Variants in MAPT observed in about 807,000 individuals in gnomAD.
MAPT encodes microtubule associated protein tau.
A neutral mutation model predicts 67.9 loss-of-function variants in MAPT; 34 were observed. The ratio of observed to expected loss-of-function variants is 0.50; its 90% CI spans 0.38 to 0.67. The LOEUF (loss-of-function observed/expected upper bound fraction) is 0.67. Ranked by LOEUF, MAPT falls within the 30% of genes least tolerant of loss-of-function variation. The pLI, the probability that MAPT is intolerant of heterozygous loss-of-function variation, is 0.00. For synonymous variants in MAPT, 456 were observed against 464.5 expected, an observed-to-expected ratio of 0.98 and a Z score of 0.23; for missense variants, 881 against 1,115.2, an observed-to-expected ratio of 0.79 and a Z score of 2.99.
intron 11 of MAPT, among the ~76,000 whole-genome samples, chr17:46,016,030 G>T (rs548880895): frequency 1.3e-5 from 2 of 152,216 alleles, no homozygotes; most frequent in Admixed American, 1.3e-4. Context: ...CTTCACCATC[G>T]GCAGCAGCTA....
At chr17:45,929,649 T>C (rs1362646616) in intron 1 of MAPT, among the ~76,000 whole-genome samples, 1 of 152,234 alleles carries the variant, frequency 6.6e-6, no homozygotes, top group Non-Finnish European at 1.5e-5. Flanking sequence ...CAGTAAATGC[T>C]GGCCCCACCA....
chr17:46,003,333 C>CA (rs2075166846), intron 9 of MAPT, among the ~76,000 whole-genome samples: 1 of 152,028 alleles, frequency 6.6e-6, no homozygotes, highest in African/African-American at 2.4e-5. Context: ...GGCTGGAGTG[C>CA]AGTGGTGCAA....
intron 1 of MAPT, among the ~76,000 whole-genome samples, chr17:45,926,166 G>A (rs536651886): frequency 6.6e-5 from 10 of 151,822 alleles, no homozygotes; most frequent in South Asian, 2.1e-4. Context: ...AGCCAAGATC[G>A]TGCCACTGCA....
chr17:46,017,440 A>AT lies in MAPT; in HGVS notation c.2174-1148dup, dbSNP rs76980614. Among the ~76,000 whole-genome samples, 161 of 62,992 alleles carry AT rather than the reference A, an allele frequency of 2.6e-3. 9 individuals are homozygous for AT. The highest frequency in any genetic ancestry group is 0.011 in the African/African-American group (140 of 12,640). 41.3% of individuals were successfully genotyped at this position (62,992 alleles called of 152,430 possible). A position where few individuals can be genotyped will look rare whatever the true frequency, so the allele number is the denominator to read the frequency against. ...AGGCACATGCCAACATGCCTGGCTA[A>AT]TTTTTTTTTTTTTTTTTTTTTTTTT... is the stretch of plus-strand genomic sequence containing the variant. On this transcript the variant is annotated intron_variant, in intron 11 of 12. Transcript: ENST00000262410.
intron 1 of MAPT, among the ~76,000 whole-genome samples, chr17:45,916,116 C>T (rs879907751): frequency 3.3e-5 from 5 of 152,308 alleles, no homozygotes; most frequent in South Asian, 2.1e-4. Flanking sequence ...CCCACATTCC[C>T]GGAGGGACTG....
intron 3 of MAPT, chr17:45,972,763 T>C (rs2071852149): frequency 6.5e-6 from 1 of 154,066 alleles, no homozygotes; most frequent in South Asian, 2.0e-4. Context: ...CAGGAACAAG[T>C]TGCAAAGTAA....
At chr17:46,014,882 C>CA (rs1254513618) in intron 11 of MAPT, among the ~76,000 whole-genome samples, 4,174 of 127,430 alleles carry the variant, frequency 0.033, 206 homozygotes, top group African/African-American at 0.11. Context: ...GACTCCGTCT[C>CA]AAAAAAAAAA....
chr17:45,962,716 A>G (rs2070584286), intron 2 of MAPT, among the ~76,000 whole-genome samples: 1 of 152,206 alleles, frequency 6.6e-6, no homozygotes, highest in Non-Finnish European at 1.5e-5. Context: ...CCTTGAGGCC[A>G]GGAATTTGAG....
chr17:45,988,715 CAA>C (rs552371183), intron 6 of MAPT, among the ~76,000 whole-genome samples: 37 of 151,938 alleles, frequency 2.4e-4, no homozygotes, highest in Non-Finnish European at 4.3e-4. Context: ...GTCCCCAGCC[CAA>C]GAGTTCTAGA....
chr17:45,958,008 C>T (rs1396346967), intron 1 of MAPT, among the ~76,000 whole-genome samples: 2 of 152,116 alleles, frequency 1.3e-5, no homozygotes, highest in African/African-American at 4.8e-5. Flanking sequence ...GACAGATAAG[C>T]AGGACAGAGT....
intron 1 of MAPT, among the ~76,000 whole-genome samples, chr17:45,927,076 T>G (rs12947764): frequency 0.19 from 29,266 of 151,716 alleles, 3,877 homozygotes; most frequent in Non-Finnish European, 0.27. Flanking sequence ...GTTGCCAAGT[T>G]AAAGATTGGT....
intron 1 of MAPT, among the ~76,000 whole-genome samples, chr17:45,948,963 C>T (rs2068778467): frequency 6.6e-6 from 1 of 152,218 alleles, no homozygotes; most frequent in Non-Finnish European, 1.5e-5. Context: ...CTTCAGTTAC[C>T]TGCAAGAGAT....
intron 6 of MAPT, among the ~76,000 whole-genome samples, chr17:45,988,905 A>G (rs1343578365): frequency 6.6e-6 from 1 of 151,972 alleles, no homozygotes; most frequent in Non-Finnish European, 1.5e-5. Flanking sequence ...AAACAAACAA[A>G]CAAACAAAAG....
At chr17:45,928,120 C>T (rs963661507) in intron 1 of MAPT, among the ~76,000 whole-genome samples, 4 of 151,852 alleles carry the variant, frequency 2.6e-5, no homozygotes, top group Non-Finnish European at 5.9e-5. Context: ...TCTACTCTAA[C>T]CAGTTGTCTC....
rs1491446284 is a variant in MAPT, at chr17:46,025,316, C to CT, written c.*1145_*1146insT. Reference sequence around the variant, plus strand: ...CTTCCCACGGCCACTGCAGTCACCCCGTCTGCGCCGCTGTGCTGTTGTCTG... The same window carrying CT: ...CTTCCCACGGCCACTGCAGTCACCCCTGTCTGCGCCGCTGTGCTGTTGTCTG... On this transcript the variant is annotated 3_prime_UTR_variant, in exon 13 of 13. Transcript: ENST00000262410. 0.4 allele frequency: 60,909 copies of CT among 152,574 alleles called. 12,280 individuals carry two copies. The highest frequency in any genetic ancestry group is 0.47 in the Admixed American group (7,107 of 15,260). 9.5% of individuals were successfully genotyped at this position (152,574 alleles called of 1,614,324 possible).
chr17:46,011,774 C>T (rs2075833764), intron 10 of MAPT, among the ~76,000 whole-genome samples: 1 of 152,228 alleles, frequency 6.6e-6, no homozygotes, highest in Non-Finnish European at 1.5e-5. Context: ...TGGCCTGAGG[C>T]AGCCACCCGC....
chr17:45,917,250 A>G (rs897362733), intron 1 of MAPT, among the ~76,000 whole-genome samples: 3 of 152,224 alleles, frequency 2.0e-5, no homozygotes, highest in Admixed American at 2.0e-4. Flanking sequence ...TCTGCCTTGC[A>G]GGGTTCGCAT....
chr17:45,954,761 A>T (rs1259885444), intron 1 of MAPT, among the ~76,000 whole-genome samples: 1 of 152,126 alleles, frequency 6.6e-6, no homozygotes, highest in Non-Finnish European at 1.5e-5. Flanking sequence ...TGGGTGGATC[A>T]CGAGGCCAGG....
chr17:46,014,826 T>C (rs979077661), intron 11 of MAPT, among the ~76,000 whole-genome samples: 1 of 148,838 alleles, frequency 6.7e-6, no homozygotes, highest in African/African-American at 2.5e-5. Flanking sequence ...GTGAGCGGAG[T>C]GAGCAGAGAT....
Sources: gnomAD v4.1 joint callset for allele counts (sites outside exome capture counted in the v4.1 genomes callset) on GRCh38, gnomAD v4.1.1 for gene constraint, MANE v1.5 for transcripts, NCBI Gene and HGNC (gene_info 2026-07-23, HGNC 2026-07-21) for gene names.